PTPRG: variants seen among roughly 807,000 people sequenced by gnomAD.
PTPRG encodes the protein protein tyrosine phosphatase receptor type G.
Under a neutral mutation model 165.3 loss-of-function variants are expected in PTPRG, and 102 were observed. The ratio of observed to expected loss-of-function variants is 0.62; its 90% CI spans 0.53 to 0.73. PTPRG has a LOEUF of 0.73. Ranked by LOEUF, PTPRG falls within the 30% of genes least tolerant of loss-of-function variation. The pLI is 0.00. For missense variants in PTPRG, 1,866 were observed against 1,861.4 expected (o/e 1.00, Z -0.05); for synonymous variants, 675 against 669.5 (o/e 1.01, Z -0.13).
At chr3:62,010,370 T>TTGTGTGTG (rs35894531) in intron 4 of PTPRG, among the ~76,000 whole-genome samples, 4,194 of 149,538 alleles carry the variant, frequency 0.028, 85 homozygotes, top group East Asian at 0.082. Context: ...CCCTCTCTTC[T>TTGTGTGTG]TGTGTGTGTG....
Position 62,028,286 on chromosome 3 carries a change from ATTC to A in PTPRG, c.519+24792_519+24794del, listed in dbSNP as rs72456615. ...TGACATCTACATTACTCTGGAAAAT[ATTC>A]TTATGTTTCTGGCAATGATACGCTA... On this transcript the variant is annotated intron_variant, in intron 4 of 29. Transcript: ENST00000474889. Among the ~76,000 whole-genome samples the A allele has an allele frequency of 7.7e-3, 1,173 of 152,288 alleles. 12 individuals carry two copies. The highest frequency in any genetic ancestry group is 0.026 in the African/African-American group (1,067 of 41,570).
At chr3:62,072,894 T>C (rs966376028) in intron 4 of PTPRG, among the ~76,000 whole-genome samples, 1 of 152,128 alleles carries the variant, frequency 6.6e-6, no homozygotes. Flanking sequence ...AACCAGGACT[T>C]AAATGGCCAA....
chr3:62,265,752 T>G (rs890267071), intron 17 of PTPRG, among the ~76,000 whole-genome samples: 5 of 152,012 alleles, frequency 3.3e-5, no homozygotes, highest in African/African-American at 9.7e-5. Context: ...CTGCTGTGAC[T>G]ATGAGGATTT....
At chr3:61,924,213 T>C (rs936324396) in intron 2 of PTPRG, among the ~76,000 whole-genome samples, 1 of 152,232 alleles carries the variant, frequency 6.6e-6, no homozygotes, top group African/African-American at 2.4e-5. Flanking sequence ...TGGCCTGTCC[T>C]TCTGTCTGCC....
rs544036666 is a variant in PTPRG, at chr3:62,281,398, A to C, written c.3766-165A>C. ...AAAATATATTTTACAATAGAATACA[A>C]TAACCATTCAACTTGGTGTAGTTCG... On this transcript the variant is annotated intron_variant, in intron 26 of 29. Coordinates refer to ENST00000474889, the MANE Select transcript of PTPRG (RefSeq NM_002841.4). Among the ~76,000 whole-genome samples the C allele has an allele frequency of 7.2e-5, 11 of 152,138 alleles. No homozygotes were observed. The East Asian group carries it at 2.1e-3, about 29-fold the overall frequency.
At chr3:62,094,831 A>G (rs978960783) in intron 5 of PTPRG, among the ~76,000 whole-genome samples, 1 of 152,302 alleles carries the variant, frequency 6.6e-6, no homozygotes. Flanking sequence ...AACTTTTTAG[A>G]AGCCCAGAAG....
At chr3:62,085,563 A>G (rs2526419) in intron 5 of PTPRG, among the ~76,000 whole-genome samples, 49,168 of 151,828 alleles carry the variant, frequency 0.32, 9,907 homozygotes, top group African/African-American at 0.58. Flanking sequence ...TTTCTTTCCC[A>G]TTGTCTCTGC....
intron 2 of PTPRG, among the ~76,000 whole-genome samples, chr3:61,778,415 G>A (rs2034447195): frequency 6.6e-6 from 1 of 152,262 alleles, no homozygotes; most frequent in African/African-American, 2.4e-5. Context: ...GTGGGGAAAA[G>A]CAACTAATCA....
chr3:61,910,991 G>A (rs1475876453), intron 2 of PTPRG, among the ~76,000 whole-genome samples: 1 of 152,060 alleles, frequency 6.6e-6, no homozygotes, highest in East Asian at 1.9e-4. Flanking sequence ...CACCTTCTCT[G>A]GGCTCAGCAC....
At chr3:61,763,957 T>C (rs906123745) in intron 2 of PTPRG, among the ~76,000 whole-genome samples, 1 of 152,190 alleles carries the variant, frequency 6.6e-6, no homozygotes, top group African/African-American at 2.4e-5. Context: ...TTTCAAGTTG[T>C]CAGGAGCCAC....
chr3:62,056,418 A>ATT (rs534334051), intron 4 of PTPRG, among the ~76,000 whole-genome samples: 1 of 148,876 alleles, frequency 6.7e-6, no homozygotes. Flanking sequence ...ACCTTATAAG[A>ATT]TTTTTTTTTT....
intron 1 of PTPRG, among the ~76,000 whole-genome samples, chr3:61,687,313 A>G (rs1199812432): frequency 6.6e-6 from 1 of 152,218 alleles, no homozygotes; most frequent in African/African-American, 2.4e-5. Flanking sequence ...GTGCCCATAG[A>G]TTCAGATAAG....
intron 2 of PTPRG, among the ~76,000 whole-genome samples, chr3:61,842,974 T>C (rs2036684644): frequency 6.6e-6 from 1 of 152,214 alleles, no homozygotes; most frequent in African/African-American, 2.4e-5. Context: ...CCCAAGCCAC[T>C]GCAAATCAAA....
intron 28 of PTPRG, among the ~76,000 whole-genome samples, chr3:62,290,150 A>C (rs1702828519): frequency 6.6e-6 from 1 of 152,186 alleles, no homozygotes; most frequent in African/African-American, 2.4e-5. Flanking sequence ...CTAAAAATTT[A>C]CCAAAAATGG....
intron 17 of PTPRG, among the ~76,000 whole-genome samples, chr3:62,265,267 A>T (rs1330208960): frequency 6.6e-6 from 1 of 152,096 alleles, no homozygotes; most frequent in Non-Finnish European, 1.5e-5. Flanking sequence ...TGAGTTCTCT[A>T]AATTTGTTCC....
intron 1 of PTPRG, among the ~76,000 whole-genome samples, chr3:61,628,981 T>C (rs1456818250): frequency 2.0e-5 from 3 of 152,136 alleles, no homozygotes; most frequent in Non-Finnish European, 4.4e-5. Flanking sequence ...GTAGGTAATG[T>C]GGGCTGTTTT....
chr3:61,794,436 G>A (rs1456169440), intron 2 of PTPRG, among the ~76,000 whole-genome samples: 2 of 152,096 alleles, frequency 1.3e-5, no homozygotes, highest in Admixed American at 6.6e-5. Context: ...TCAAAAATCT[G>A]GTCCCTATGT....
intron 2 of PTPRG, among the ~76,000 whole-genome samples, chr3:61,881,665 T>C (rs1012950218): frequency 6.6e-6 from 1 of 152,236 alleles, no homozygotes; most frequent in African/African-American, 2.4e-5. Context: ...AAGAACACTT[T>C]CCTCAAATAC....
intron 2 of PTPRG, among the ~76,000 whole-genome samples, chr3:61,896,205 C>T (rs1559675564): frequency 6.6e-6 from 1 of 152,150 alleles, no homozygotes; most frequent in Non-Finnish European, 1.5e-5. Flanking sequence ...ATAACCACGC[C>T]TACCTCCTCC....
Sources: gnomAD v4.1 joint callset for allele counts (sites outside exome capture counted in the v4.1 genomes callset) on GRCh38, gnomAD v4.1.1 for gene constraint, MANE v1.5 for transcripts, NCBI Gene and HGNC (gene_info 2026-07-23, HGNC 2026-07-21) for gene names.